DPP10: variants seen among roughly 807,000 people sequenced by gnomAD.
DPP10 encodes inactive dipeptidyl peptidase 10.
A neutral mutation model predicts 120.9 loss-of-function variants in DPP10; 33 were observed. The observed-to-expected ratio is 0.27, with a 90% confidence interval of 0.21 to 0.37. The LOEUF is 0.37. DPP10 is among the 10% of genes least tolerant of loss of function. DPP10 has a pLI of 1.00. For synonymous variants in DPP10, 337 were observed against 326.1 expected, an observed-to-expected ratio of 1.03 and a Z score of -0.36; for missense variants, 816 against 942.8, an observed-to-expected ratio of 0.87 and a Z score of 1.76.
At chr2:115,334,225 ACT>A (rs1469555357) in intron 2 of DPP10, among the ~76,000 whole-genome samples, 1 of 25,446 alleles carries the variant, frequency 3.9e-5, no homozygotes, top group African/African-American at 9.5e-5. Flanking sequence ...ACCAGAGCAG[ACT>A]CTGTTTTTTT....
intron 7 of DPP10, among the ~76,000 whole-genome samples, chr2:115,700,442 A>T (rs1355686909): frequency 2.0e-5 from 3 of 152,310 alleles, no homozygotes; most frequent in Admixed American, 2.0e-4. Context: ...TCAACATAAT[A>T]AATGTCATCA....
chr2:115,819,128 G>A (rs146855051), intron 21 of DPP10, among the ~76,000 whole-genome samples: 372 of 152,144 alleles, frequency 2.4e-3, no homozygotes, highest in Non-Finnish European at 4.6e-3. Flanking sequence ...CTGATTCCCT[G>A]GAAAAATTTG....
At chr2:115,722,970 T>A (rs1460041182) in intron 7 of DPP10, among the ~76,000 whole-genome samples, 1 of 152,142 alleles carries the variant, frequency 6.6e-6, no homozygotes, top group East Asian at 1.9e-4. Context: ...GGGCTTACAC[T>A]CCCGTCACCA....
intron 1 of DPP10, among the ~76,000 whole-genome samples, chr2:114,683,537 T>C (rs1033036681): frequency 6.8e-6 from 1 of 147,380 alleles, no homozygotes; most frequent in Non-Finnish European, 1.5e-5. Context: ...CCTTCCTTCC[T>C]TCCTTCCTCC....
intron 1 of DPP10, among the ~76,000 whole-genome samples, chr2:115,232,532 T>G (rs2057787493): frequency 6.6e-6 from 1 of 152,204 alleles, no homozygotes; most frequent in Non-Finnish European, 1.5e-5. Flanking sequence ...TCCTTGTGCC[T>G]TCTGATTTCC....
intron 1 of DPP10, among the ~76,000 whole-genome samples, chr2:114,848,661 A>G (rs1482851574): frequency 6.6e-6 from 1 of 152,216 alleles, no homozygotes; most frequent in Admixed American, 6.6e-5. Flanking sequence ...ACTGTGATAC[A>G]TAACATGCCT....
chr2:114,967,475 A>G (rs1332828448), intron 1 of DPP10, among the ~76,000 whole-genome samples: 1 of 152,130 alleles, frequency 6.6e-6, no homozygotes, highest in African/African-American at 2.4e-5. Context: ...ACTGGCATAG[A>G]GGGTTGGGCT....
chr2:115,466,617 A>G (rs528364560), intron 3 of DPP10, among the ~76,000 whole-genome samples: 116 of 152,290 alleles, frequency 7.6e-4, no homozygotes, highest in African/African-American at 2.6e-3. Flanking sequence ...AGTAATATAC[A>G]TCTTATTACT....
intron 1 of DPP10, among the ~76,000 whole-genome samples, chr2:114,908,109 A>G (rs115082247): frequency 0.027 from 4,063 of 152,076 alleles, 183 homozygotes; most frequent in African/African-American, 0.093. Context: ...TTTCATCTGA[A>G]GTTAATGTAG....
intron 1 of DPP10, among the ~76,000 whole-genome samples, chr2:114,728,732 G>A (rs771882992): frequency 2.2e-4 from 33 of 152,222 alleles, no homozygotes; most frequent in East Asian, 3.9e-4. Context: ...AGCTCTAATC[G>A]TCTATTATTC....
chr2:115,260,450 C>G (rs1293233739), intron 1 of DPP10, among the ~76,000 whole-genome samples: 1 of 152,124 alleles, frequency 6.6e-6, no homozygotes, highest in Admixed American at 6.5e-5. Flanking sequence ...ACGTTCAACT[C>G]AAGAAAGGCT....
At chr2:114,865,976 G>A (rs1462313093) in intron 1 of DPP10, among the ~76,000 whole-genome samples, 3 of 152,020 alleles carry the variant, frequency 2.0e-5, no homozygotes, top group African/African-American at 7.2e-5. Context: ...GCCGGGCGTG[G>A]TCGTGCATGC....
At chr2:115,262,293 C>T (rs932019617) in intron 1 of DPP10, among the ~76,000 whole-genome samples, 4 of 151,896 alleles carry the variant, frequency 2.6e-5, no homozygotes, top group Non-Finnish European at 2.9e-5. Flanking sequence ...CAGTAGCTCC[C>T]ATTTTTTAAA....
rs909697407 is a variant in DPP10 at position 114,901,409 on chromosome 2, G to T, written c.61-407830G>T. Among the ~76,000 whole-genome samples the T allele has an allele frequency of 5.9e-5, 9 of 152,092 alleles. 1 individual carries two copies. The highest frequency in any genetic ancestry group is 4.6e-4 in the Admixed American group (7 of 15,272). On this transcript the variant is annotated intron_variant, in intron 1 of 25. Transcript: ENST00000410059. ...GATGGGGTTTCACCTTGTTAGCCAG[G>T]ATGGTCTCGATCTCCTGACCTCGTG...
intron 3 of DPP10, among the ~76,000 whole-genome samples, chr2:115,489,105 C>A (rs924627195): frequency 6.6e-6 from 1 of 151,996 alleles, no homozygotes; most frequent in Non-Finnish European, 1.5e-5. Flanking sequence ...CAGATTCCAG[C>A]AAACTTTTTA....
intron 1 of DPP10, among the ~76,000 whole-genome samples, chr2:115,306,182 G>A (rs951626130): frequency 6.6e-6 from 1 of 152,068 alleles, no homozygotes; most frequent in African/African-American, 2.4e-5. Flanking sequence ...TACTGGTACA[G>A]TGTATTTTAG....
chr2:114,501,958 C>CA (rs1683228327), intron 1 of DPP10, among the ~76,000 whole-genome samples: 1 of 104,558 alleles, frequency 9.6e-6, no homozygotes, highest in Non-Finnish European at 1.7e-5. Context: ...TTTTTTGAGA[C>CA]AGAGTCTCAA....
intron 1 of DPP10, among the ~76,000 whole-genome samples, chr2:114,968,592 A>G (rs1699192281): frequency 2.0e-5 from 3 of 152,204 alleles, no homozygotes; most frequent in South Asian, 2.1e-4. Flanking sequence ...TGTGACTTAC[A>G]ATAATTTATT....
At chr2:115,777,867 T>G (rs773715551) in intron 15 of DPP10, 33 bp downstream of exon 15, 21 of 1,601,328 alleles carry the variant, frequency 1.3e-5, no homozygotes, top group Admixed American at 1.2e-4. Context: ...CTTACACAGA[T>G]TGGCTTCTCA....
Sources: allele counts gnomAD v4.1 joint callset (sites outside exome capture counted in the v4.1 genomes callset), GRCh38; gene constraint gnomAD v4.1.1; transcripts MANE v1.5; gene names NCBI Gene and HGNC (gene_info 2026-07-23, HGNC 2026-07-21).